The following ASIC2 variants were observed in gnomAD, a reference collection of about 807,000 sequenced individuals.
ASIC2 encodes acid sensing ion channel subunit 2.
A neutral mutation model predicts 57.3 loss-of-function variants in ASIC2; 25 were observed. The observed-to-expected ratio is 0.44, with a 90% CI of 0.32 to 0.61. ASIC2 has a LOEUF of 0.61. ASIC2 is among the 20% of genes least tolerant of loss of function. ASIC2 has a pLI of 0.06. For synonymous variants in ASIC2, 319 were observed against 307.5 expected (o/e 1.04, Z -0.39); for missense variants, 641 against 738.1 (o/e 0.87, Z 1.52).
chr17:33,076,469 T>A (rs1434133301), intron 3 of ASIC2, among the ~76,000 whole-genome samples: 1 of 152,162 alleles, frequency 6.6e-6, no homozygotes, highest in Non-Finnish European at 1.5e-5. Context: ...AATATATGAA[T>A]ACATAAATTC....
In ASIC2 at chr17:33,336,725, TTCTC is replaced by T. The variant is rs1396880213; in HGVS notation, c.556-224662_556-224659del. The stretch of plus-strand genomic sequence containing the variant: ...AGGCTCTGTCAGAAAGTTGAACACT[TTCTC>T]TCTCTATCTCTGTCTTTCTCTCTGG... On this transcript the variant is annotated intron_variant, in intron 1 of 9. Coordinates refer to the ASIC2 transcript ENST00000359872. 3.3e-5 allele frequency among the ~76,000 whole-genome samples: 5 copies of T among 152,132 alleles called. 1 individual carries two copies. The highest frequency in any genetic ancestry group is 1.3e-4 in the Admixed American group (2 of 15,282).
chr17:33,591,256 A>G (rs887588380), intron 1 of ASIC2, among the ~76,000 whole-genome samples: 9 of 152,202 alleles, frequency 5.9e-5, no homozygotes, highest in African/African-American at 2.2e-4. Flanking sequence ...GGTATATGAT[A>G]AGATTCGGAA....
At chr17:33,708,179 C>T (rs1434565528) in intron 1 of ASIC2, among the ~76,000 whole-genome samples, 1 of 152,172 alleles carries the variant, frequency 6.6e-6, no homozygotes, top group Non-Finnish European at 1.5e-5. Flanking sequence ...TACTTTTAAG[C>T]TCCATCCACA....
chr17:33,146,090 C>A (rs914057144), intron 1 of ASIC2, among the ~76,000 whole-genome samples: 39 of 152,192 alleles, frequency 2.6e-4, no homozygotes, highest in Admixed American at 2.5e-3. Context: ...AAATATTCTT[C>A]AATGGCCCCA....
chr17:33,761,193 A>G (rs1910766447), intron 1 of ASIC2, among the ~76,000 whole-genome samples: 1 of 152,190 alleles, frequency 6.6e-6, no homozygotes, highest in Non-Finnish European at 1.5e-5. Context: ...CCCAATCCAT[A>G]GACTATCCTG....
intron 1 of ASIC2, among the ~76,000 whole-genome samples, chr17:33,309,945 TCCACC>T (rs1906338929): frequency 1.4e-5 from 2 of 145,780 alleles, no homozygotes; most frequent in South Asian, 4.8e-4. Flanking sequence ...ACTCCTCCCC[TCCACC>T]CCATGGAGTC....
At chr17:33,418,028 ATGTGTGTGTGTGTGTGTGTGTGTG>A (rs1161141315) in intron 1 of ASIC2, among the ~76,000 whole-genome samples, 1 of 67,752 alleles carries the variant, frequency 1.5e-5, no homozygotes, top group Non-Finnish European at 3.9e-5. Flanking sequence ...GCATGTATGT[ATGTGTGTGTGTGTGTGTGTGTGTG>A]TGTGTGTGTG....
rs1012167419 is a variant in ASIC2 at position 33,179,562 on chromosome 17, T to C, written c.709-67495A>G. Among the ~76,000 whole-genome samples, 7 of 152,278 alleles carry C rather than the reference T, an allele frequency of 4.6e-5. No individual in the cohort carries two copies. The South Asian group carries it at 6.2e-4, about 14-fold the overall frequency. ...AGCCGTTTTGGGACTCTTTCTAGTA[T>C]AAAGGAACAGACTTTTATTGCATCT... On this transcript the variant is annotated intron_variant, in intron 1 of 9. Transcript: ENST00000225823.
chr17:34,056,393 G>A (rs949207526), intron 1 of ASIC2, among the ~76,000 whole-genome samples: 2 of 152,154 alleles, frequency 1.3e-5, no homozygotes, highest in Non-Finnish European at 2.9e-5. Context: ...TGGAAAATGG[G>A]TTTTGTTTTA....
At chr17:33,201,206 T>C (rs1363550785) in intron 1 of ASIC2, among the ~76,000 whole-genome samples, 1 of 152,216 alleles carries the variant, frequency 6.6e-6, no homozygotes, top group African/African-American at 2.4e-5. Flanking sequence ...GACATGGATT[T>C]TGATCTGTGT....
intron 1 of ASIC2, among the ~76,000 whole-genome samples, chr17:33,136,591 G>A (rs2092367973): frequency 6.6e-6 from 1 of 152,216 alleles, no homozygotes; most frequent in Admixed American, 6.5e-5. Flanking sequence ...TGTGATTTGT[G>A]TGTGTGTGAG....
At chr17:33,766,827 T>C (rs1910949780) in intron 1 of ASIC2, among the ~76,000 whole-genome samples, 1 of 152,192 alleles carries the variant, frequency 6.6e-6, no homozygotes, top group Non-Finnish European at 1.5e-5. Context: ...CTATTTCCTG[T>C]GTTTATTCCA....
At chr17:33,307,045 C>T (rs1241601509) in intron 1 of ASIC2, among the ~76,000 whole-genome samples, 1 of 152,078 alleles carries the variant, frequency 6.6e-6, no homozygotes, top group Non-Finnish European at 1.5e-5. Flanking sequence ...GCTTATAAAG[C>T]CCTTCTCACC....
intron 1 of ASIC2, among the ~76,000 whole-genome samples, chr17:33,788,780 C>T (rs1480264760): frequency 6.6e-6 from 1 of 152,104 alleles, no homozygotes; most frequent in African/African-American, 2.4e-5. Flanking sequence ...AAGCCATCAT[C>T]CTCAGCAAAC....
intron 3 of ASIC2, among the ~76,000 whole-genome samples, chr17:33,084,759 C>T (rs573439213): frequency 4.6e-4 from 70 of 152,168 alleles, no homozygotes; most frequent in South Asian, 1.5e-3. Flanking sequence ...CATATTATCC[C>T]GCTGCCTGTC....
chr17:33,062,147 G>A (rs552422965), intron 3 of ASIC2, among the ~76,000 whole-genome samples: 13 of 152,162 alleles, frequency 8.5e-5, no homozygotes, highest in Admixed American at 7.2e-4. Context: ...AGGGTTTTTT[G>A]TGTCTCTATC....
chr17:33,795,830 T>C (rs1911899146), intron 1 of ASIC2, among the ~76,000 whole-genome samples: 1 of 152,218 alleles, frequency 6.6e-6, no homozygotes, highest in South Asian at 2.1e-4. Context: ...AGCACTTCAA[T>C]GGGAGCAAAC....
chr17:34,080,411 A>C (rs1232451686), intron 1 of ASIC2, among the ~76,000 whole-genome samples: 1 of 152,218 alleles, frequency 6.6e-6, no homozygotes, highest in Non-Finnish European at 1.5e-5. Flanking sequence ...ACCACCATCC[A>C]CAGTGAATGA....
At chr17:33,376,524 T>C (rs533740046) in intron 1 of ASIC2, among the ~76,000 whole-genome samples, 3 of 152,342 alleles carry the variant, frequency 2.0e-5, no homozygotes, top group African/African-American at 7.2e-5. Context: ...AATTCTGTGC[T>C]GGGCATTCTT....
Sources: gnomAD v4.1 joint callset for allele counts (sites outside exome capture counted in the v4.1 genomes callset) on GRCh38, gnomAD v4.1.1 for gene constraint, MANE v1.5 for transcripts, NCBI Gene and HGNC (gene_info 2026-07-23, HGNC 2026-07-21) for gene names.